The following ATG7 variants were observed in gnomAD, a reference collection of about 807,000 sequenced individuals.
ATG7 encodes the protein autophagy related 7.
A neutral mutation model predicts 82.4 loss-of-function variants in ATG7; 70 were observed. The observed-to-expected ratio is 0.85, with a 90% confidence interval of 0.70 to 1.04. ATG7 has a LOEUF of 1.04. Among genes scored for constraint, ATG7 ranks in the 50% least tolerant of loss-of-function variants. The pLI, the probability that ATG7 is intolerant of heterozygous loss-of-function variation, is 0.00. For missense variants in ATG7, 792 were observed against 864.3 expected (o/e 0.92, Z 1.05); for synonymous variants, 287 against 313.0 (o/e 0.92, Z 0.88).
the ATG7 span, among the ~76,000 whole-genome samples, chr3:11,563,403 G>A: frequency 6.6e-6 from 1 of 152,254 alleles, no homozygotes; most frequent in Non-Finnish European, 1.5e-5. Context: ...GGGGAGCAGT[G>A]AGCGGGTCCC....
chr3:11,536,073 T>G (rs112864291), intron 20 of ATG7, among the ~76,000 whole-genome samples: 2 of 152,120 alleles, frequency 1.3e-5, no homozygotes, highest in African/African-American at 4.8e-5. Context: ...AACTGGCTAG[T>G]TGGGGCAAGG....
chr3:11,281,642 C>T (rs1255653458), intron 2 of ATG7, among the ~76,000 whole-genome samples: 2 of 151,862 alleles, frequency 1.3e-5, no homozygotes, highest in South Asian at 2.1e-4. Context: ...GGCGTAGTGG[C>T]GGGCGCCCAT....
chr3:11,283,378 G>C (rs989067384), intron 3 of ATG7, among the ~76,000 whole-genome samples: 3 of 152,178 alleles, frequency 2.0e-5, no homozygotes, highest in Non-Finnish European at 4.4e-5. Flanking sequence ...TTGACTGCTT[G>C]CTGTATGCCA....
intron 20 of ATG7, among the ~76,000 whole-genome samples, chr3:11,438,151 C>T (rs1176526140): frequency 6.6e-6 from 1 of 152,112 alleles, no homozygotes; most frequent in Non-Finnish European, 1.5e-5. Context: ...CCCCTGAGGT[C>T]CTGCTGCTCC....
At chr3:11,318,352 G>C (rs1949731609) in intron 9 of ATG7, among the ~76,000 whole-genome samples, 1 of 152,222 alleles carries the variant, frequency 6.6e-6, no homozygotes, top group Admixed American at 6.5e-5. Flanking sequence ...ATCAGACATT[G>C]ACCTGTGGAA....
chr3:11,471,274 C>T (rs527694478), intron 20 of ATG7, among the ~76,000 whole-genome samples: 4 of 152,142 alleles, frequency 2.6e-5, no homozygotes, highest in African/African-American at 9.7e-5. Context: ...CTGGCCCTGG[C>T]GCTCTGGACT....
At chr3:11,443,653 T>TTGGGATTACAGGCCTGAG (rs1326409489) in intron 20 of ATG7, among the ~76,000 whole-genome samples, 2 of 152,098 alleles carry the variant, frequency 1.3e-5, no homozygotes, top group Non-Finnish European at 2.9e-5. Context: ...TCCCAAAGTG[T>TTGGGATTACAGGCCTGAG]TGGGATTACA....
At chr3:11,544,798 T>C (rs1265383543) in intron 20 of ATG7, among the ~76,000 whole-genome samples, 1 of 152,262 alleles carries the variant, frequency 6.6e-6, no homozygotes, top group Non-Finnish European at 1.5e-5. Flanking sequence ...CAGATGGTTC[T>C]GAATCATTGT....
chr3:11,276,577 C>T (rs916180373), intron 1 of ATG7, among the ~76,000 whole-genome samples: 7 of 152,156 alleles, frequency 4.6e-5, no homozygotes, highest in African/African-American at 1.4e-4. Flanking sequence ...CTCGTCCCAC[C>T]ACTCCCCAAA....
In ATG7 at chr3:11,445,663, T is replaced by C. The variant is rs549754488; in HGVS notation, c.2079+18737T>C. 1.6e-3 allele frequency among the ~76,000 whole-genome samples: 251 copies of C among 152,324 alleles called. 1 individual carries two copies. Among genetic ancestry groups the C allele is most frequent in the African/African-American group, 5.5e-3 (228 of 41,556 alleles). The stretch of plus-strand genomic sequence containing the variant: ...TACCTATATAATAAGCCTGCACATA[T>C]ACCCCTGAACTTACAAGTTTCAAAA... On this transcript the variant is annotated intron_variant, in intron 20 of 20. Transcript: ENST00000693202.
chr3:11,509,031 C>G (rs2443706), intron 20 of ATG7, among the ~76,000 whole-genome samples: 127,608 of 152,288 alleles, frequency 0.84, 53,633 homozygotes, highest in East Asian at 0.97. Context: ...GCCCTTTAAA[C>G]TTTAAAATAA....
Position 11,471,713 on chromosome 3 carries a change from A to T in ATG7, c.2079+44787A>T, listed in dbSNP as rs1315205838. ...AACTCTTTTTTTTTTTAGAACTCAG[A>T]AAAGTACTTCATAGATTGGCTTTTT... On this transcript the variant is annotated intron_variant, in intron 20 of 20. Coordinates refer to ENST00000693202, the MANE Select transcript of ATG7 (RefSeq NM_001349232.2). Among the ~76,000 whole-genome samples, 3 of 146,420 alleles carry T rather than the reference A, an allele frequency of 2.0e-5. No individual in the cohort carries two copies. The South Asian group carries it at 6.6e-4, about 32-fold the overall frequency.
chr3:11,446,264 G>GT (rs1017435515), intron 20 of ATG7, among the ~76,000 whole-genome samples: 2 of 151,406 alleles, frequency 1.3e-5, no homozygotes, highest in Admixed American at 1.3e-4. Context: ...TGGATTAAAG[G>GT]TTACTATATC....
intron 19 of ATG7, among the ~76,000 whole-genome samples, chr3:11,390,992 ACCAT>A (rs2078756387): frequency 6.6e-6 from 1 of 152,332 alleles, no homozygotes; most frequent in African/African-American, 2.4e-5. Context: ...TAGTTGCAGT[ACCAT>A]AGCCATGAAG....
chr3:11,348,129 A>T (rs1218908788), intron 14 of ATG7, 94 bp downstream of exon 14: 1 of 1,469,280 alleles, frequency 6.8e-7, no homozygotes, highest in African/African-American at 1.4e-5. Flanking sequence ...AGAGAGTCAG[A>T]TATCTGTCAC....
chr3:11,438,584 A>G (rs1003347046), intron 20 of ATG7, among the ~76,000 whole-genome samples: 12 of 63,860 alleles, frequency 1.9e-4, no homozygotes, highest in African/African-American at 6.8e-4. Context: ...CAAAACAAAA[A>G]TAAAGATTTT....
intron 11 of ATG7, among the ~76,000 whole-genome samples, chr3:11,335,675 G>A (rs540080987): frequency 6.6e-6 from 1 of 152,218 alleles, no homozygotes; most frequent in East Asian, 1.9e-4. Context: ...CTATGATAAG[G>A]CTCATGCTTG....
At chr3:11,456,750 C>T (rs191058168) in intron 20 of ATG7, among the ~76,000 whole-genome samples, 404 of 152,302 alleles carry the variant, frequency 2.7e-3, no homozygotes, top group Non-Finnish European at 4.9e-3. Context: ...GAAGTAGACA[C>T]TTGTGAAGTT....
At chr3:11,374,391 G>T (rs1013853597) in intron 18 of ATG7, among the ~76,000 whole-genome samples, 1 of 152,142 alleles carries the variant, frequency 6.6e-6, no homozygotes, top group African/African-American at 2.4e-5. Flanking sequence ...GCAAAAGAAT[G>T]AATTTAGACC....
Sources: gnomAD v4.1 joint callset for allele counts (sites outside exome capture counted in the v4.1 genomes callset) on GRCh38, gnomAD v4.1.1 for gene constraint, MANE v1.5 for transcripts, NCBI Gene and HGNC (gene_info 2026-07-23, HGNC 2026-07-21) for gene names.